The following THSD4 variants were observed in gnomAD, a reference collection of about 807,000 sequenced individuals.
THSD4 encodes the protein thrombospondin type-1 domain-containing protein 4.
THSD4 carries 69 observed loss-of-function variants against 119.0 expected under a neutral mutation model. That is an observed-to-expected ratio of 0.58 (90% CI 0.48 to 0.71). The LOEUF (loss-of-function observed/expected upper bound fraction) is 0.71, where lower values mean the gene tolerates loss of function less well. Among genes scored for constraint, THSD4 ranks in the 30% least tolerant of loss-of-function variants. THSD4 has a pLI of 0.00. For synonymous variants in THSD4, 524 were observed against 540.4 expected (o/e 0.97, Z 0.42); for missense variants, 1,393 against 1,391.1 (o/e 1.00, Z -0.02).
intron 1 of THSD4, among the ~76,000 whole-genome samples, chr15:71,106,508 G>C (rs1482881194): frequency 6.6e-6 from 1 of 152,190 alleles, no homozygotes; most frequent in East Asian, 1.9e-4. Flanking sequence ...TAAAGTTGCA[G>C]CCTGCCTGAC....
intron 10 of THSD4, among the ~76,000 whole-genome samples, chr15:71,735,780 C>A (rs1284184993): frequency 6.6e-6 from 1 of 151,186 alleles, no homozygotes; most frequent in South Asian, 2.1e-4. Context: ...TTCTCTGTCT[C>A]TGTCTCTCCT....
chr15:71,598,815 G>A (rs1451207381), intron 7 of THSD4, among the ~76,000 whole-genome samples: 5 of 151,764 alleles, frequency 3.3e-5, no homozygotes, highest in East Asian at 1.9e-4. Flanking sequence ...ACAGGGTTTC[G>A]CCCTGTTGCC....
At chr15:71,273,242 A>T (rs1804096128) in intron 6 of THSD4, among the ~76,000 whole-genome samples, 1 of 152,246 alleles carries the variant, frequency 6.6e-6, no homozygotes. Context: ...AATTTGTGAC[A>T]ACATGGGTAA....
intron 14 of THSD4, among the ~76,000 whole-genome samples, chr15:71,750,371 CT>C (rs1166936211): frequency 1.3e-5 from 2 of 152,208 alleles, no homozygotes; most frequent in African/African-American, 4.8e-5. Flanking sequence ...AATATCACCC[CT>C]AGAGGTGTTC....
chr15:71,363,878 A>G (rs1290730983), intron 6 of THSD4, among the ~76,000 whole-genome samples: 1 of 152,254 alleles, frequency 6.6e-6, no homozygotes, highest in Non-Finnish European at 1.5e-5. Context: ...GCAGACGTAT[A>G]AAATGAGATG....
chr15:71,390,849 CTTTTTTT>C (rs1010882999), intron 6 of THSD4, among the ~76,000 whole-genome samples: 1,113 of 90,704 alleles, frequency 0.012, 5 homozygotes, highest in Non-Finnish European at 0.019. Flanking sequence ...TTGGCTAAAT[CTTTTTTT>C]TTTTTTTTTT....
At chr15:71,700,387 A>G (rs950170367) in intron 8 of THSD4, among the ~76,000 whole-genome samples, 2 of 152,162 alleles carry the variant, frequency 1.3e-5, no homozygotes, top group Admixed American at 6.5e-5. Flanking sequence ...TAAATGTACA[A>G]GAACCATAGG....
At chr15:71,401,070 A>G (rs1298612906) in intron 6 of THSD4, among the ~76,000 whole-genome samples, 1 of 152,048 alleles carries the variant, frequency 6.6e-6, no homozygotes, top group East Asian at 1.9e-4. Context: ...GTTTCCTTCC[A>G]CTTTTTGTCC....
intron 7 of THSD4, among the ~76,000 whole-genome samples, chr15:71,532,476 ATTT>A (rs58655409): frequency 2.7e-5 from 4 of 147,954 alleles, no homozygotes; most frequent in East Asian, 2.0e-4. Context: ...ATGCCCAGCA[ATTT>A]TTTTTTTTTG....
intron 7 of THSD4, among the ~76,000 whole-genome samples, chr15:71,643,877 A>G (rs2050914783): frequency 6.6e-6 from 1 of 152,248 alleles, no homozygotes; most frequent in South Asian, 2.1e-4. Context: ...GGTTGAATAA[A>G]AATGGGAGCA....
At chr15:71,112,738 G>A (rs1404610251), upstream of THSD4, among the ~76,000 whole-genome samples, 1 of 152,214 alleles carries the variant, frequency 6.6e-6, no homozygotes, top group African/African-American at 2.4e-5. Flanking sequence ...TTATATGCAA[G>A]GACCACATTC....
intron 8 of THSD4, among the ~76,000 whole-genome samples, chr15:71,727,644 C>T (rs914974863): frequency 2.1e-5 from 3 of 143,204 alleles, no homozygotes; most frequent in African/African-American, 8.0e-5. Context: ...GTGGTACATG[C>T]CTATAGTCCC....
intron 6 of THSD4, among the ~76,000 whole-genome samples, chr15:71,279,874 G>GC (rs2044632111): frequency 6.6e-6 from 1 of 152,120 alleles, no homozygotes; most frequent in Non-Finnish European, 1.5e-5. Context: ...CCTTGGGGTA[G>GC]CAGGAAGAGC....
intron 7 of THSD4, among the ~76,000 whole-genome samples, chr15:71,516,743 C>T (rs1213171990): frequency 6.6e-6 from 1 of 152,176 alleles, no homozygotes; most frequent in Non-Finnish European, 1.5e-5. Context: ...TAACTGAAAT[C>T]ATTAGTTTGA....
intron 12 of THSD4, among the ~76,000 whole-genome samples, chr15:71,745,939 C>A (rs1347755088): frequency 6.6e-6 from 1 of 152,198 alleles, no homozygotes; most frequent in East Asian, 1.9e-4. Context: ...GCCACTGCGC[C>A]TGGCCTTGAA....
At position 71,747,503 on chromosome 15, in the gene THSD4, C is replaced by A. The variant is rs192762548; in HGVS notation, c.2241+461C>A. On this transcript the variant is annotated intron_variant, in intron 13 of 17. Coordinates refer to ENST00000261862, the MANE Select transcript of THSD4 (RefSeq NM_024817.3). ...GGATCAGCCCAAGAAGACACACGAA[C>A]AACGTTGGACATGTTCCAAAGTCTG... Among the ~76,000 whole-genome samples, 9 of 152,328 alleles carry A rather than the reference C, an allele frequency of 5.9e-5. No homozygotes were observed. In the East Asian group the frequency reaches 1.5e-3, roughly 26 times the overall value.
At chr15:71,637,679 A>T (rs1341045849) in intron 7 of THSD4, among the ~76,000 whole-genome samples, 1 of 152,036 alleles carries the variant, frequency 6.6e-6, no homozygotes, top group Non-Finnish European at 1.5e-5. Context: ...TTGTTGTTTC[A>T]TGGGTACAGA....
At chr15:71,706,873 G>C (rs2141082912) in intron 8 of THSD4, among the ~76,000 whole-genome samples, 1 of 152,298 alleles carries the variant, frequency 6.6e-6, no homozygotes, top group African/African-American at 2.4e-5. Flanking sequence ...TGCCAGAACT[G>C]AGGCAAGACG....
At chr15:71,248,887 A>T (rs1277591024) in intron 5 of THSD4, among the ~76,000 whole-genome samples, 1 of 152,192 alleles carries the variant, frequency 6.6e-6, no homozygotes, top group East Asian at 1.9e-4. Flanking sequence ...AATCGAGTAC[A>T]GTTCTGTAAG....
Sources: gnomAD v4.1 joint callset for allele counts (sites outside exome capture counted in the v4.1 genomes callset) on GRCh38, gnomAD v4.1.1 for gene constraint, MANE v1.5 for transcripts, NCBI Gene and HGNC (gene_info 2026-07-23, HGNC 2026-07-21) for gene names.